The following FLACC1 variants were observed in gnomAD, a reference collection of about 807,000 sequenced individuals.
FLACC1 encodes the protein flagellum associated containing coiled-coil domains 1, also known as flagellum-associated coiled-coil domain-containing protein 1.
In FLACC1, 66 loss-of-function variants were observed where a neutral mutation model predicts 62.8. The observed-to-expected ratio is 1.05, with a 90% CI of 0.86 to 1.29. FLACC1 has a LOEUF of 1.29. FLACC1 is among the 50% of genes most tolerant of loss of function. The pLI is 0.00. For synonymous variants in FLACC1, 156 were observed against 161.0 expected (o/e 0.97, Z 0.24); for missense variants, 452 against 489.1 (o/e 0.92, Z 0.71).
chr2:201,308,346 C>G (rs371394035), intron 10 of FLACC1, among the ~76,000 whole-genome samples: 37 of 152,348 alleles, frequency 2.4e-4, no homozygotes, highest in African/African-American at 6.5e-4. Flanking sequence ...GCAGCTCCCC[C>G]TCCCGTTCCC....
chr2:201,334,313 G>C (rs980739758), intron 7 of FLACC1, among the ~76,000 whole-genome samples: 1 of 152,166 alleles, frequency 6.6e-6, no homozygotes, highest in Non-Finnish European at 1.5e-5. Context: ...CATCCCAGGG[G>C]ATCAGTCTCA....
At chr2:201,293,671 C>T (rs1302154773) in intron 12 of FLACC1, among the ~76,000 whole-genome samples, 2 of 151,978 alleles carry the variant, frequency 1.3e-5, no homozygotes, top group Non-Finnish European at 2.9e-5. Context: ...TAACTAAGAT[C>T]AGAGCAGAAC....
At chr2:201,325,277 G>A (rs1265414753) in intron 9 of FLACC1, among the ~76,000 whole-genome samples, 2 of 151,932 alleles carry the variant, frequency 1.3e-5, no homozygotes, top group East Asian at 1.9e-4. Flanking sequence ...CAAAAAAAAC[G>A]AAGTCCAAAG....
At chr2:201,356,593 T>A (rs1040796805) in intron 1 of FLACC1, among the ~76,000 whole-genome samples, 4 of 152,272 alleles carry the variant, frequency 2.6e-5, no homozygotes, top group Non-Finnish European at 5.9e-5. Context: ...TAACCTTAAA[T>A]GTTTTGCATA....
chr2:201,296,269 C>T lies in FLACC1; in HGVS notation c.942+2969G>A, dbSNP rs559261712. Among the ~76,000 whole-genome samples, 470 of 151,978 alleles carry T rather than the reference C, an allele frequency of 3.1e-3. 2 individuals are homozygous for T. Among genetic ancestry groups the T allele is most frequent in the African/African-American group, 0.011 (457 of 41,408 alleles). On this transcript the variant is annotated intron_variant, in intron 12 of 14. Coordinates refer to ENST00000392257, the MANE Select transcript of FLACC1 (RefSeq NM_001127391.3). Reference sequence around the variant, plus strand: ...AAAGACTTGGAACCAACCCAAATGTCGAACAATGATAGACTGGATTAAGAA... The same window carrying T: ...AAAGACTTGGAACCAACCCAAATGTTGAACAATGATAGACTGGATTAAGAA...
At chr2:201,353,700 G>A (rs187170425) in intron 1 of FLACC1, among the ~76,000 whole-genome samples, 72 of 152,154 alleles carry the variant, frequency 4.7e-4, no homozygotes, top group Non-Finnish European at 8.2e-4. Context: ...CGATTCTCCC[G>A]CCTCAGCCTC....
chr2:201,340,855 C>T (rs1157885463), intron 7 of FLACC1, among the ~76,000 whole-genome samples: 1 of 152,204 alleles, frequency 6.6e-6, no homozygotes, highest in Non-Finnish European at 1.5e-5. Flanking sequence ...TCTCCCTCAA[C>T]TGGGGAAGAC....
In FLACC1 at chr2:201,288,513, AT is replaced by A; in HGVS notation, c.*141del. On this transcript the variant is annotated 3_prime_UTR_variant, in exon 15 of 15. Coordinates refer to ENST00000392257, the MANE Select transcript of FLACC1 (RefSeq NM_001127391.3). ...GTGAAATTCAGATGCGAATTCAAAC[AT>A]TTTCAGACATTCAGAGAGTCAGAGC... is the stretch of plus-strand genomic sequence containing the variant. The A allele has an allele frequency of 2.0e-6, 2 of 1,020,488 alleles. No homozygotes were observed. Among genetic ancestry groups the A allele is most frequent in the Admixed American group, 2.6e-5 (1 of 38,512 alleles). The allele number at this position is 1,020,488 out of a possible 1,614,324, so 63.2% of individuals were successfully genotyped here. A position where few individuals can be genotyped will look rare whatever the true frequency, so the allele number is the denominator to read the frequency against.
upstream of FLACC1, among the ~76,000 whole-genome samples, chr2:201,361,923 C>T (rs140875342): frequency 3.6e-3 from 552 of 152,304 alleles, 12 homozygotes; most frequent in Admixed American, 0.034. Flanking sequence ...GAACAAAACA[C>T]TTCATGCTAT....
At chr2:201,297,135 T>A (rs576077429) in intron 12 of FLACC1, among the ~76,000 whole-genome samples, 1 of 152,264 alleles carries the variant, frequency 6.6e-6, no homozygotes, top group East Asian at 1.9e-4. Context: ...GGGGGCTAAA[T>A]CTCTGGTGGA....
intron 12 of FLACC1, among the ~76,000 whole-genome samples, chr2:201,290,849 C>T (rs1461957250): frequency 1.3e-5 from 2 of 152,220 alleles, no homozygotes; most frequent in Admixed American, 6.5e-5. Context: ...CATTTTCCAA[C>T]AGTCTTAGCA....
chr2:201,311,159 A>G (rs1950210340), intron 9 of FLACC1, among the ~76,000 whole-genome samples: 1 of 114,422 alleles, frequency 8.7e-6, no homozygotes, highest in Non-Finnish European at 2.1e-5. Context: ...ATCTAACACT[A>G]AAAAAAAAAA....
At chr2:201,354,592 A>AGCAGATG (rs1228602278) in intron 1 of FLACC1, among the ~76,000 whole-genome samples, 17 of 152,190 alleles carry the variant, frequency 1.1e-4, no homozygotes, top group African/African-American at 3.1e-4. Context: ...AGGTCAGAGA[A>AGCAGATG]GCAGATGGGA....
chr2:201,363,288 G>A, the FLACC1 span, among the ~76,000 whole-genome samples: 2 of 151,588 alleles, frequency 1.3e-5, no homozygotes, highest in Non-Finnish European at 2.9e-5. Context: ...ATAGATTGTG[G>A]TGCAAGGGTG....
At chr2:201,353,658 G>A (rs1257106323) in intron 1 of FLACC1, among the ~76,000 whole-genome samples, 2 of 151,970 alleles carry the variant, frequency 1.3e-5, no homozygotes, top group Non-Finnish European at 2.9e-5. Context: ...CACAATCTTG[G>A]CTCACTACAA....
chr2:201,344,277 A>G lies in FLACC1; in HGVS notation c.369-14T>C. Reference sequence around the variant, plus strand: ...ATGATGTTGGTCCTGTAGGAGAAGTAATTCTTCTATCATCCACAAAGCTTA... The same window carrying G: ...ATGATGTTGGTCCTGTAGGAGAAGTGATTCTTCTATCATCCACAAAGCTTA... On this transcript the variant is annotated splice_polypyrimidine_tract_variant and intron_variant, in intron 5 of 14. Transcript: ENST00000392257. The G allele has an allele frequency of 6.3e-7, 1 of 1,588,846 alleles. No homozygotes were observed. The highest frequency in any genetic ancestry group is 8.6e-7 in the Non-Finnish European group (1 of 1,157,336).
intron 11 of FLACC1, among the ~76,000 whole-genome samples, chr2:201,307,181 A>G (rs1950124428): frequency 1.3e-5 from 2 of 152,260 alleles, no homozygotes; most frequent in Admixed American, 1.3e-4. Flanking sequence ...CACTACAGCT[A>G]TAACAGCTAC....
rs375964327 is a variant in FLACC1, at chr2:201,307,502, G to C, written c.879+17C>G. The C allele has an allele frequency of 1.3e-6, 2 of 1,598,396 alleles. No individual in the cohort carries two copies. Among genetic ancestry groups the C allele is most frequent in the African/African-American group, 2.7e-5 (2 of 74,540 alleles). On this transcript the variant is annotated intron_variant, in intron 11 of 14. Transcript: ENST00000392257. ...GGACTACCCATTCAATCACCAAGGT[G>C]CTTTGGGCTGAGTTACCTCCTTCTC...
intron 11 of FLACC1, among the ~76,000 whole-genome samples, chr2:201,304,644 A>C (rs1284850950): frequency 6.6e-6 from 1 of 152,206 alleles, no homozygotes; most frequent in East Asian, 1.9e-4. Flanking sequence ...AAGCCAAAAG[A>C]ACAAAGCTGG....
Sources: allele counts gnomAD v4.1 joint callset (sites outside exome capture counted in the v4.1 genomes callset), GRCh38; gene constraint gnomAD v4.1.1; transcripts MANE v1.5; gene names NCBI Gene and HGNC (gene_info 2026-07-23, HGNC 2026-07-21).